SMG6: variants seen among roughly 807,000 people sequenced by gnomAD.
SMG6 encodes the protein telomerase-binding protein EST1A.
In SMG6, 66 loss-of-function variants were observed where a neutral mutation model predicts 142.2. The observed-to-expected ratio is 0.46, with a 90% CI of 0.38 to 0.57. The LOEUF is 0.57. Ranked by LOEUF, SMG6 falls within the 20% of genes least tolerant of loss-of-function variation. SMG6 has a pLI of 0.00. For missense variants in SMG6, 1,793 were observed against 1,832.0 expected, an observed-to-expected ratio of 0.98 and a Z score of 0.39; for synonymous variants, 779 against 702.4, an observed-to-expected ratio of 1.11 and a Z score of -1.72.
chr17:2,080,877 C>T (rs113714289), intron 15 of SMG6, among the ~76,000 whole-genome samples: 3,392 of 152,216 alleles, frequency 0.022, 127 homozygotes, highest in African/African-American at 0.078. Context: ...CCTCATGATC[C>T]GCCCGCCTCA....
At chr17:2,082,251 G>A (rs1449673222) in intron 14 of SMG6, 1 of 340,990 alleles carries the variant, frequency 2.9e-6, no homozygotes, top group Non-Finnish European at 5.5e-6. Flanking sequence ...CACACTCTGT[G>A]TTCTTCCTGG....
chr17:2,271,167 T>G (rs2074535934), intron 8 of SMG6, among the ~76,000 whole-genome samples: 1 of 148,080 alleles, frequency 6.8e-6, no homozygotes, highest in African/African-American at 2.5e-5. Context: ...CAGGCTGGAG[T>G]GCAGTGGTGC....
Position 2,126,555 on chromosome 17 carries a change from T to A in SMG6, c.3358-40654A>T, listed in dbSNP as rs1021490775. Reference sequence around the variant, plus strand: ...GACTGGCCAACATGGTGAAACCCCATCTCTACTAAAAATACAAAAACTAGC... The same window carrying A: ...GACTGGCCAACATGGTGAAACCCCAACTCTACTAAAAATACAAAAACTAGC... On this transcript the variant is annotated intron_variant, in intron 13 of 18. Coordinates refer to ENST00000263073, the MANE Select transcript of SMG6 (RefSeq NM_017575.5). Among the ~76,000 whole-genome samples, 3 of 151,600 alleles carry A rather than the reference T, an allele frequency of 2.0e-5. No homozygotes were observed. In the East Asian group the frequency reaches 5.8e-4, roughly 29 times the overall value.
chr17:2,258,624 G>A (rs1206704318), intron 8 of SMG6, among the ~76,000 whole-genome samples: 2 of 149,732 alleles, frequency 1.3e-5, no homozygotes, highest in Admixed American at 6.6e-5. Context: ...GCAACATAGA[G>A]AGACCTTGTT....
intron 13 of SMG6, among the ~76,000 whole-genome samples, chr17:2,125,498 A>C (rs149681019): frequency 2.0e-4 from 30 of 152,368 alleles, no homozygotes; most frequent in African/African-American, 6.5e-4. Context: ...TATAATTAAA[A>C]ACGGAGTTCC....
chr17:2,161,335 C>G (rs1042102457), intron 13 of SMG6, among the ~76,000 whole-genome samples: 2 of 151,856 alleles, frequency 1.3e-5, no homozygotes, highest in Non-Finnish European at 2.9e-5. Context: ...AACTCCCGAC[C>G]TCAGGTTGAT....
At chr17:2,286,974 C>T (rs1274948880) in intron 6 of SMG6, among the ~76,000 whole-genome samples, 2 of 132,478 alleles carry the variant, frequency 1.5e-5, no homozygotes, top group Non-Finnish European at 3.1e-5. Flanking sequence ...CTCTGTCGCT[C>T]AGGCTGGAGT....
At chr17:2,262,198 G>A (rs896093287) in intron 8 of SMG6, among the ~76,000 whole-genome samples, 1 of 152,222 alleles carries the variant, frequency 6.6e-6, no homozygotes, top group Non-Finnish European at 1.5e-5. Context: ...TAGTGCCAAT[G>A]ATTACAACAC....
chr17:2,217,565 C>T (rs1597624501), intron 10 of SMG6, among the ~76,000 whole-genome samples: 1 of 152,226 alleles, frequency 6.6e-6, no homozygotes, highest in East Asian at 1.9e-4. Flanking sequence ...TCCATCTTTA[C>T]ACTTCTCTCT....
At chr17:2,070,431 CCA>C (rs2068069467) in intron 15 of SMG6, among the ~76,000 whole-genome samples, 1 of 152,196 alleles carries the variant, frequency 6.6e-6, no homozygotes, top group African/African-American at 2.4e-5. Context: ...TGGCCTTCTG[CCA>C]CAGAGCAACT....
At chr17:2,294,670 A>T (rs2075108362) in intron 4 of SMG6, among the ~76,000 whole-genome samples, 2 of 152,276 alleles carry the variant, frequency 1.3e-5, no homozygotes, top group African/African-American at 4.8e-5. Flanking sequence ...GTCTCACAGG[A>T]TTCTTTAAAA....
intron 13 of SMG6, among the ~76,000 whole-genome samples, chr17:2,137,447 T>A (rs538844474): frequency 1.7e-4 from 26 of 152,256 alleles, no homozygotes; most frequent in Admixed American, 6.5e-5. Flanking sequence ...AACTCCTTGA[T>A]GTGACTCCAA....
chr17:2,148,188 C>T (rs1315609536), intron 13 of SMG6, among the ~76,000 whole-genome samples: 1 of 151,620 alleles, frequency 6.6e-6, no homozygotes, highest in Non-Finnish European at 1.5e-5. Context: ...GAGACCCCAT[C>T]TCAAAAAATA....
chr17:2,192,672 C>T (rs2072200147), intron 10 of SMG6, among the ~76,000 whole-genome samples: 1 of 152,206 alleles, frequency 6.6e-6, no homozygotes, highest in Non-Finnish European at 1.5e-5. Context: ...CATAAGGCTG[C>T]TTTTCTCATG....
At chr17:2,194,640 A>C (rs1049100118) in intron 10 of SMG6, among the ~76,000 whole-genome samples, 3 of 151,734 alleles carry the variant, frequency 2.0e-5, no homozygotes, top group Admixed American at 2.0e-4. Flanking sequence ...TTGAGAGCCC[A>C]GTAGTTCAAG....
intron 6 of SMG6, among the ~76,000 whole-genome samples, chr17:2,291,836 A>G (rs216209): frequency 0.54 from 72,439 of 133,106 alleles, 20,843 homozygotes; most frequent in East Asian, 0.73. Flanking sequence ...GTGACAGAGC[A>G]AGACCCTGCC....
intron 12 of SMG6, among the ~76,000 whole-genome samples, chr17:2,183,668 T>C (rs2071874987): frequency 6.6e-6 from 1 of 152,124 alleles, no homozygotes; most frequent in Admixed American, 6.5e-5. Flanking sequence ...GTTTGATTTT[T>C]TGTTTAACCA....
At chr17:2,084,345 G>T (rs373758050) in intron 14 of SMG6, among the ~76,000 whole-genome samples, 5 of 152,218 alleles carry the variant, frequency 3.3e-5, no homozygotes, top group African/African-American at 9.6e-5. Context: ...CCCCTCCCAT[G>T]CTAACAGCTC....
rs141323225 is a variant in SMG6, at chr17:2,277,629, C to T, written c.2661+5018G>A. Among the ~76,000 whole-genome samples the T allele has an allele frequency of 3.2e-3, 485 of 152,240 alleles. 2 individuals carry two copies. Among genetic ancestry groups the T allele is most frequent in the African/African-American group, 0.011 (463 of 41,536 alleles). On this transcript the variant is annotated intron_variant, in intron 8 of 18. Transcript: ENST00000263073. Reference sequence around the variant, plus strand: ...GTGGTTTTTATTGCATGATTTTGCACAGCACAGCAATTTTTAGGAATGTAT... The same window carrying T: ...GTGGTTTTTATTGCATGATTTTGCATAGCACAGCAATTTTTAGGAATGTAT...
Sources: gnomAD v4.1 joint callset for allele counts (sites outside exome capture counted in the v4.1 genomes callset) on GRCh38, gnomAD v4.1.1 for gene constraint, MANE v1.5 for transcripts, NCBI Gene and HGNC (gene_info 2026-07-23, HGNC 2026-07-21) for gene names.